Variants in NAT10 observed in about 807,000 individuals in gnomAD.
NAT10 encodes the protein N-acetyltransferase 10.
A neutral mutation model predicts 132.2 loss-of-function variants in NAT10; 109 were observed. That is an observed-to-expected ratio of 0.82 (90% CI 0.71 to 0.97). NAT10 has a LOEUF of 0.97. Ranked by LOEUF, NAT10 falls within the 50% of genes least tolerant of loss-of-function variation. NAT10 has a pLI of 0.00. For synonymous variants in NAT10, 479 were observed against 478.0 expected (o/e 1.00, Z -0.03); for missense variants, 1,184 against 1,263.4 (o/e 0.94, Z 0.95).
intron 24 of NAT10, 130 bp from the exon 25 acceptor site, chr11:34,140,959 C>G: frequency 1.6e-6 from 2 of 1,231,348 alleles, no homozygotes; most frequent in South Asian, 1.5e-5. Context: ...AGAGAAGATG[C>G]CAATATACAC....
intron 24 of NAT10, 61 bp from the exon 25 acceptor site, chr11:34,141,028 G>T (rs1021557266): frequency 4.2e-5 from 67 of 1,607,476 alleles, no homozygotes; most frequent in Admixed American, 1.7e-4. Context: ...GGTTCTTGGC[G>T]CCATTTTAAT....
At chr11:34,126,626 C>G (rs1024432960) in intron 11 of NAT10, among the ~76,000 whole-genome samples, 13 of 152,194 alleles carry the variant, frequency 8.5e-5, no homozygotes, top group African/African-American at 2.9e-4. Context: ...TTTAATTTCT[C>G]TAAGACCTCA....
intron 8 of NAT10, 69 bp downstream of exon 8, chr11:34,118,572 C>A: frequency 1.5e-6 from 2 of 1,316,738 alleles, no homozygotes; most frequent in South Asian, 1.4e-5. Flanking sequence ...TAACAGAAGC[C>A]AAGGTACGTT....
chr11:34,145,985 G>A (rs990656711), intron 28 of NAT10, 99 bp from the exon 29 acceptor site: 1 of 828,180 alleles, frequency 1.2e-6, no homozygotes, highest in Non-Finnish European at 1.9e-6. Flanking sequence ...AGTTTCAGAC[G>A]GTGGAAACCC....
chr11:34,108,695 T>C (rs777679179), intron 2 of NAT10, 47 bp from the exon 3 acceptor site: 2 of 1,557,260 alleles, frequency 1.3e-6, no homozygotes. Context: ...TGGCGGTCTC[T>C]AAAGTCTCTT....
intron 12 of NAT10, among the ~76,000 whole-genome samples, chr11:34,129,261 G>A (rs181581787): frequency 6.6e-6 from 1 of 152,294 alleles, no homozygotes; most frequent in Non-Finnish European, 1.5e-5. Context: ...AGCAGTATGA[G>A]GGTTCTGACT....
intron 12 of NAT10, among the ~76,000 whole-genome samples, chr11:34,130,472 T>C (rs1852085076): frequency 6.6e-6 from 1 of 152,240 alleles, no homozygotes; most frequent in Non-Finnish European, 1.5e-5. Flanking sequence ...ACATCCTTTT[T>C]CCAGTCCTTA....
chr11:34,135,923 C>T (rs1223963367), intron 19 of NAT10, among the ~76,000 whole-genome samples: 1 of 151,892 alleles, frequency 6.6e-6, no homozygotes, highest in Non-Finnish European at 1.5e-5. Context: ...GATCTCGCCA[C>T]TGGACTCTGG....
intron 9 of NAT10, 80 bp from the exon 10 acceptor site, chr11:34,123,682 C>A: frequency 8.5e-7 from 1 of 1,181,572 alleles, no homozygotes; most frequent in Non-Finnish European, 1.2e-6. Context: ...CAGGAGCAAA[C>A]AAAAATATTT....
chr11:34,137,103 C>A lies in NAT10; in HGVS notation c.2211+77C>A. 3 of 1,476,056 alleles carry A rather than the reference C, an allele frequency of 2.0e-6. No individual in the cohort carries two copies. The South Asian group carries it at 3.4e-5, about 17-fold the overall frequency. The allele number at this position is 1,476,056 out of a possible 1,614,324, so 91.4% of individuals were successfully genotyped here. ...TGACAGGCCTGTCCTTGCAAAGAGC[C>A]CTAGTGCCTCCCTGCTGCATCGCTC... On this transcript the variant is annotated intron_variant, in intron 21 of 28. Transcript: ENST00000257829.
intron 20 of NAT10, 93 bp from the exon 21 acceptor site, chr11:34,136,885 G>A (rs1480452465): frequency 3.2e-5 from 52 of 1,608,020 alleles, no homozygotes; most frequent in Admixed American, 1.0e-4. Flanking sequence ...CCTGCTATTT[G>A]TGGCGTGCTC....
Position 34,131,388 on chromosome 11 carries a change from A to G in NAT10, c.1377A>G (p.Thr459=). 2 of 1,612,682 alleles carry G rather than the reference A, an allele frequency of 1.2e-6. No homozygotes were observed. The highest frequency in any genetic ancestry group is 8.5e-7 in the Non-Finnish European group (1 of 1,179,296). The change falls in exon 14 of 29, where the codon ACA becomes ACG. Residue 459 remains threonine, a synonymous_variant. Transcript: ENST00000257829. ...TTTARLASAR[T]LYEVSLQESI... is the part of the protein sequence containing the mutation. ...TGTGATTGTGGGGAGCAGCGCGGAC[A>G]CTGTATGAGGTTTCCCTCCAGGAGT...
In NAT10 at chr11:34,134,556, TCG is replaced by T; in HGVS notation, c.1883_1884del (p.Arg628HisfsTer25). The T allele has an allele frequency of 6.2e-7, 1 of 1,614,200 alleles. No homozygotes were observed. The highest frequency in any genetic ancestry group is 8.5e-7 in the Non-Finnish European group (1 of 1,180,044). ...FGGLSGGRVV[R>X]IAVHPDYQGM... Reference sequence around the variant, plus strand: ...GTGGTCTGTCTGGTGGAAGGGTCGTTCGCATTGCTGTTCACCCAGATTATCAA... The same window carrying T: ...GTGGTCTGTCTGGTGGAAGGGTCGTTCATTGCTGTTCACCCAGATTATCAA... On this transcript the variant is annotated frameshift_variant, in exon 18 of 29. Coordinates refer to ENST00000257829, the MANE Select transcript of NAT10 (RefSeq NM_024662.3). LOFTEE classifies it high-confidence loss of function.
At chr11:34,141,354 G>A in intron 25 of NAT10, 146 bp downstream of exon 25, 1 of 1,178,756 alleles carries the variant, frequency 8.5e-7, no homozygotes, top group Admixed American at 2.3e-5. Flanking sequence ...CACAAATCCA[G>A]GACTTCAGAA....
chr11:34,129,757 T>C (rs1852071496), intron 12 of NAT10, among the ~76,000 whole-genome samples: 1 of 151,874 alleles, frequency 6.6e-6, no homozygotes, highest in Non-Finnish European at 1.5e-5. Flanking sequence ...TACAGGTGTG[T>C]ACCACCATGC....
rs572749472 is a variant in NAT10 at position 34,114,746 on chromosome 11, C to T, written c.495+908C>T. ...GTGGTCTTTCCTCACACCCTGTTTA[C>T]AGTAGGCAGCTCCGCCTGTCACTCC... On this transcript the variant is annotated intron_variant, in intron 5 of 28. Coordinates refer to ENST00000257829, the MANE Select transcript of NAT10 (RefSeq NM_024662.3). 1.6e-4 allele frequency among the ~76,000 whole-genome samples: 24 copies of T among 152,336 alleles called. No individual in the cohort carries two copies. The South Asian group carries it at 3.7e-3, about 24-fold the overall frequency.
At chr11:34,115,912 G>A (rs1180358825) in intron 6 of NAT10, 28 bp downstream of exon 6, 1 of 1,609,888 alleles carries the variant, frequency 6.2e-7, no homozygotes, top group African/African-American at 1.3e-5. Flanking sequence ...CCCAATTGTG[G>A]GGCAGCCACA....
At position 34,112,026 on chromosome 11, in the gene NAT10, A is replaced by T. The variant is rs756123527; in HGVS notation, c.201-26A>T. The T allele has an allele frequency of 2.5e-6, 4 of 1,612,382 alleles. No individual in the cohort carries two copies. In the East Asian group the frequency reaches 6.7e-5, roughly 27 times the overall value. Reference sequence around the variant, plus strand: ...TAGCTGCTCTGGTTAACTGGCTCTCATGGGATTGGGGGTGTGTGATTGCAG... The same window carrying T: ...TAGCTGCTCTGGTTAACTGGCTCTCTTGGGATTGGGGGTGTGTGATTGCAG... On this transcript the variant is annotated intron_variant, in intron 3 of 28. Transcript: ENST00000257829.
chr11:34,134,305 T>C lies in NAT10; in HGVS notation c.1735-14T>C. On this transcript the variant is annotated splice_polypyrimidine_tract_variant and intron_variant, in intron 16 of 28. Transcript: ENST00000257829. Reference sequence around the variant, plus strand: ...GTTGGCCTTTCTGCCTGCACTGTCCTGCTTCCCCCACAGGTGTGCCTTGAA... The same window carrying C: ...GTTGGCCTTTCTGCCTGCACTGTCCCGCTTCCCCCACAGGTGTGCCTTGAA... 1 of 1,612,046 alleles carries C rather than the reference T, an allele frequency of 6.2e-7. No homozygotes were observed. Among genetic ancestry groups the C allele is most frequent in the Non-Finnish European group, 8.5e-7 (1 of 1,178,050 alleles).
Sources: allele counts gnomAD v4.1 joint callset (sites outside exome capture counted in the v4.1 genomes callset), GRCh38; gene constraint gnomAD v4.1.1; transcripts MANE v1.5; gene names NCBI Gene and HGNC (gene_info 2026-07-23, HGNC 2026-07-21).